Variants in LHFPL3 observed in about 807,000 individuals in gnomAD.
The protein encoded by LHFPL3 is LHFPL tetraspan subfamily member 3.
Under a neutral mutation model 19.3 loss-of-function variants are expected in LHFPL3, and 5 were observed. That is an observed-to-expected ratio of 0.26 (90% CI 0.14 to 0.54). The LOEUF is 0.54. Ranked by LOEUF, LHFPL3 falls within the 20% of genes least tolerant of loss-of-function variation. The pLI, the probability that LHFPL3 is intolerant of heterozygous loss-of-function variation, is 0.94. For synonymous variants in LHFPL3, 133 were observed against 126.2 expected, an observed-to-expected ratio of 1.05 and a Z score of -0.36; for missense variants, 249 against 307.4, an observed-to-expected ratio of 0.81 and a Z score of 1.42.
At chr7:104,406,283 A>C (rs933040504) in intron 1 of LHFPL3, among the ~76,000 whole-genome samples, 3 of 152,176 alleles carry the variant, frequency 2.0e-5, no homozygotes, top group Non-Finnish European at 4.4e-5. Flanking sequence ...TTGAACCAGC[A>C]ACACATCTTT....
At chr7:104,550,012 T>G (rs896317204) in intron 1 of LHFPL3, among the ~76,000 whole-genome samples, 2 of 152,014 alleles carry the variant, frequency 1.3e-5, no homozygotes, top group African/African-American at 4.8e-5. Flanking sequence ...GCTCACACAG[T>G]TACGGAGGCT....
chr7:104,329,616 G>A (rs951346592), intron 1 of LHFPL3, among the ~76,000 whole-genome samples: 5 of 152,210 alleles, frequency 3.3e-5, no homozygotes, highest in Admixed American at 2.6e-4. Context: ...AGTGAAAAGC[G>A]GATTTGGAGA....
chr7:104,660,322 A>T (rs1792202302), intron 1 of LHFPL3, among the ~76,000 whole-genome samples: 1 of 152,122 alleles, frequency 6.6e-6, no homozygotes, highest in African/African-American at 2.4e-5. Context: ...TTTAATTGAA[A>T]CTGTGATCAG....
At chr7:104,356,568 A>G (rs4730000) in intron 1 of LHFPL3, among the ~76,000 whole-genome samples, 96,901 of 151,982 alleles carry the variant, frequency 0.64, 31,775 homozygotes, top group East Asian at 0.87. Flanking sequence ...TGGAGGTTGG[A>G]GAGCACAGAA....
rs1554381871 is a variant in LHFPL3 at position 104,365,797 on chromosome 7, A to AAAAAAAAGAAAG, written c.445+36580_445+36581insGAAAGAAAAAAA. Among the ~76,000 whole-genome samples the AAAAAAAAGAAAG allele has an allele frequency of 7.2e-4, 91 of 125,978 alleles. 1 individual carries two copies. The highest frequency in any genetic ancestry group is 1.0e-3 in the East Asian group (4 of 3,906). 82.6% of individuals were successfully genotyped at this position (125,978 alleles called of 152,430 possible). On this transcript the variant is annotated intron_variant, in intron 1 of 2. Transcript: ENST00000424859. ...AGCGAGACTCCGTCTCAAAAAAAAAAAAAAAAAAGAAAAGCCTCTTTCCAG... is the reference window on the plus strand; with the variant it reads ...AGCGAGACTCCGTCTCAAAAAAAAAAAAAAAAAGAAAGAAAAAAAAGAAAAGCCTCTTTCCAG...
intron 1 of LHFPL3, among the ~76,000 whole-genome samples, chr7:104,519,794 T>C (rs1290222297): frequency 6.6e-6 from 1 of 152,176 alleles, no homozygotes; most frequent in East Asian, 1.9e-4. Flanking sequence ...CAAACACATC[T>C]GTGTGCTTCT....
intron 1 of LHFPL3, among the ~76,000 whole-genome samples, chr7:104,682,041 T>C (rs1792714185): frequency 6.6e-6 from 1 of 152,192 alleles, no homozygotes; most frequent in South Asian, 2.1e-4. Flanking sequence ...GATTAACAAA[T>C]TAATACTTAC....
At chr7:104,413,407 C>A (rs1490775839) in intron 1 of LHFPL3, among the ~76,000 whole-genome samples, 1 of 152,158 alleles carries the variant, frequency 6.6e-6, no homozygotes, top group Non-Finnish European at 1.5e-5. Context: ...TTATACTGGC[C>A]AAGACTTATA....
chr7:104,645,333 C>T lies in LHFPL3; in HGVS notation c.446-91342C>T, dbSNP rs527885096. ...ACCCTCTTGGTTTAGCTTACTATTC[C>T]GCCTATTTATTTTTGCTTTCAAAAA... On this transcript the variant is annotated intron_variant, in intron 1 of 2. Transcript: ENST00000424859. 3.3e-5 allele frequency among the ~76,000 whole-genome samples: 5 copies of T among 152,128 alleles called. No individual in the cohort carries two copies. In the East Asian group the frequency reaches 5.8e-4, roughly 18 times the overall value.
intron 2 of LHFPL3, chr7:104,759,676 T>A (rs1794341747): frequency 6.6e-6 from 1 of 152,142 alleles, no homozygotes; most frequent in Admixed American, 6.6e-5. Flanking sequence ...ACCCTCTTAA[T>A]TTTCCACAAA....
chr7:104,793,934 G>A (rs556013672), intron 2 of LHFPL3, among the ~76,000 whole-genome samples: 37 of 152,268 alleles, frequency 2.4e-4, no homozygotes, highest in African/African-American at 7.7e-4. Flanking sequence ...AGTCTAAGGT[G>A]TTAGAAGTCA....
At chr7:104,839,694 A>C (rs1401097723) in intron 2 of LHFPL3, among the ~76,000 whole-genome samples, 3 of 151,836 alleles carry the variant, frequency 2.0e-5, no homozygotes, top group Non-Finnish European at 2.9e-5. Context: ...AGAAAGAAAA[A>C]AAATTAAATT....
intron 1 of LHFPL3, among the ~76,000 whole-genome samples, chr7:104,348,572 A>G (rs1213982811): frequency 6.6e-6 from 1 of 152,262 alleles, no homozygotes; most frequent in African/African-American, 2.4e-5. Context: ...TGTAGGTCCT[A>G]TGGTTTGTAA....
intron 1 of LHFPL3, among the ~76,000 whole-genome samples, chr7:104,585,804 CT>C (rs1478302829): frequency 6.6e-6 from 1 of 151,984 alleles, no homozygotes; most frequent in East Asian, 1.9e-4. Context: ...AACAAAATTA[CT>C]TAAAATCATG....
chr7:104,567,927 A>G lies in LHFPL3; in HGVS notation c.446-168748A>G, dbSNP rs147931016. ...GTCTCTGAGCCCTAGACCCCAATGC[A>G]CGTCTACTGCTCTCTCAGTCAAGTT... On this transcript the variant is annotated intron_variant, in intron 1 of 2. Transcript: ENST00000424859. Among the ~76,000 whole-genome samples, 261 of 152,252 alleles carry G rather than the reference A, an allele frequency of 1.7e-3. 3 individuals are homozygous for G. Among genetic ancestry groups the G allele is most frequent in the African/African-American group, 5.6e-3 (231 of 41,528 alleles).
At chr7:104,437,032 AGATT>A (rs1242547005) in intron 1 of LHFPL3, among the ~76,000 whole-genome samples, 1 of 152,204 alleles carries the variant, frequency 6.6e-6, no homozygotes, top group Non-Finnish European at 1.5e-5. Context: ...TTGAAGGGAT[AGATT>A]AAGTGCGATT....
chr7:104,583,597 C>A (rs1584417265), intron 1 of LHFPL3, among the ~76,000 whole-genome samples: 2 of 152,106 alleles, frequency 1.3e-5, no homozygotes, highest in African/African-American at 4.8e-5. Flanking sequence ...CTACGAAGAA[C>A]CCAAACAAAT....
chr7:104,518,797 TGATAGATAGATA>T (rs56373754), intron 1 of LHFPL3, among the ~76,000 whole-genome samples: 373 of 138,638 alleles, frequency 2.7e-3, no homozygotes, highest in South Asian at 6.4e-3. Flanking sequence ...AATAAATAGA[TGATAGATAGATA>T]GATAGATAGA....
At chr7:104,887,190 G>A (rs983619542) in intron 2 of LHFPL3, among the ~76,000 whole-genome samples, 2 of 152,182 alleles carry the variant, frequency 1.3e-5, no homozygotes, top group Non-Finnish European at 2.9e-5. Flanking sequence ...ATAACAGAAG[G>A]CTAAATGATT....
Sources: gnomAD v4.1 joint callset for allele counts (sites outside exome capture counted in the v4.1 genomes callset) on GRCh38, gnomAD v4.1.1 for gene constraint, MANE v1.5 for transcripts, NCBI Gene and HGNC (gene_info 2026-07-23, HGNC 2026-07-21) for gene names.